The following LAMA4 variants were observed in gnomAD, a reference collection of about 807,000 sequenced individuals.
The protein encoded by LAMA4 is laminin subunit alpha-4.
Under a neutral mutation model 207.1 loss-of-function variants are expected in LAMA4, and 127 were observed. The observed-to-expected ratio is 0.61, with a 90% CI of 0.53 to 0.71. The LOEUF is 0.71. Ranked by LOEUF, LAMA4 falls within the 30% of genes least tolerant of loss-of-function variation. The pLI is 0.00. For missense variants in LAMA4, 2,093 were observed against 2,246.5 expected (o/e 0.93, Z 1.38); for synonymous variants, 761 against 816.0 (o/e 0.93, Z 1.15).
At chr6:112,183,900 G>A (rs1206169842) in intron 9 of LAMA4, among the ~76,000 whole-genome samples, 2 of 138,278 alleles carry the variant, frequency 1.4e-5, no homozygotes, top group South Asian at 2.3e-4. Flanking sequence ...GCAGTGAGCC[G>A]AGATCACGCC....
intron 22 of LAMA4, among the ~76,000 whole-genome samples, chr6:112,140,463 C>T (rs577641997): frequency 2.6e-5 from 4 of 152,324 alleles, no homozygotes; most frequent in African/African-American, 9.6e-5. Context: ...ACACCACAAG[C>T]TACGGACCTT....
rs1554322946 is a variant in LAMA4, at chr6:112,114,758, T to C, written c.5113-2A>G. ...GCCATTATTGACTTTCACTATGACC[T>C]GCAAAAGATAGGACACATTGTATGA... is the stretch of plus-strand genomic sequence containing the variant. On this transcript the variant is annotated splice_acceptor_variant, in intron 36 of 38. Transcript: ENST00000230538. LOFTEE classifies it high-confidence loss of function. 4 of 1,591,924 alleles carry C rather than the reference T, an allele frequency of 2.5e-6. No individual in the cohort carries two copies. Among genetic ancestry groups the C allele is most frequent in the Non-Finnish European group, 3.4e-6 (4 of 1,159,988 alleles).
intron 2 of LAMA4, among the ~76,000 whole-genome samples, chr6:112,217,167 T>C (rs1784675522): frequency 6.6e-6 from 1 of 152,188 alleles, no homozygotes; most frequent in Non-Finnish European, 1.5e-5. Flanking sequence ...CTTTTGGGGA[T>C]GTTAAACTAT....
intron 31 of LAMA4, among the ~76,000 whole-genome samples, chr6:112,124,419 T>C (rs1408470775): frequency 6.6e-6 from 1 of 152,232 alleles, no homozygotes; most frequent in African/African-American, 2.4e-5. Flanking sequence ...TCGGGTGTCT[T>C]TATATATGGC....
chr6:112,154,062 G>A (rs562133227), intron 16 of LAMA4, among the ~76,000 whole-genome samples: 11 of 152,048 alleles, frequency 7.2e-5, no homozygotes, highest in Non-Finnish European at 1.2e-4. Context: ...TTAGAAGTTC[G>A]CTAGATGATG....
chr6:112,209,591 A>G (rs1784252526), intron 3 of LAMA4, among the ~76,000 whole-genome samples: 1 of 152,196 alleles, frequency 6.6e-6, no homozygotes, highest in African/African-American at 2.4e-5. Flanking sequence ...TAGCTCTTCC[A>G]CTTTCTAGCT....
At chr6:112,157,192 A>G (rs530497485) in intron 14 of LAMA4, among the ~76,000 whole-genome samples, 49 of 152,282 alleles carry the variant, frequency 3.2e-4, no homozygotes, top group African/African-American at 1.1e-3. Context: ...AGACAAGAAA[A>G]CATTTTTTAA....
chr6:112,212,369 G>A (rs186921610), intron 3 of LAMA4, among the ~76,000 whole-genome samples: 9 of 151,860 alleles, frequency 5.9e-5, no homozygotes, highest in East Asian at 1.9e-4. Flanking sequence ...GATTACAGGC[G>A]CCCGCCACAA....
rs1554354520 is a variant in LAMA4, at chr6:112,207,069, G to T, written c.374C>A (p.Ala125Glu). 6.2e-7 allele frequency: 1 copy of T among 1,613,960 alleles called. No individual in the cohort carries two copies. The highest frequency in any genetic ancestry group is 2.2e-5 in the East Asian group (1 of 44,856). ...DGYIGDSIRGAPQFCQPCPCP... is the reference protein window; with the variant it reads ...DGYIGDSIRGEPQFCQPCPCP... ...GGGGCACGGCTGGCAGAATTGGGGT[G>T]CTCCCCTGATGGAATCTCCGATATA... Residue 125 changes from alanine (A) to glutamate (E), a missense_variant, in exon 4 of 39, where the codon GCA becomes GAA. Ala to Glu is a moderately radical substitution (Grantham distance 107). Coordinates refer to ENST00000230538, the MANE Select transcript of LAMA4 (RefSeq NM_001105206.3).
intron 10 of LAMA4, among the ~76,000 whole-genome samples, chr6:112,175,837 G>A (rs538538317): frequency 6.6e-6 from 1 of 152,284 alleles, no homozygotes; most frequent in South Asian, 2.1e-4. Context: ...GATATTCAAG[G>A]CATCCAAATC....
chr6:112,144,753 T>C (rs1554334071), intron 19 of LAMA4, 41 bp downstream of exon 19: 1 of 1,608,536 alleles, frequency 6.2e-7, no homozygotes, highest in Non-Finnish European at 8.5e-7. Context: ...CTTCGTGTTA[T>C]TATTACCGCT....
In LAMA4 at chr6:112,173,311, A is replaced by G. The variant is rs561858265; in HGVS notation, c.1358-507T>C. ...GGAAAAAAGATTAAATGGCAATGAC[A>G]TGATATTCTTAAACTTTGCATGTGT... On this transcript the variant is annotated intron_variant, in intron 11 of 38. Transcript: ENST00000230538. Among the ~76,000 whole-genome samples, 9 of 152,366 alleles carry G rather than the reference A, an allele frequency of 5.9e-5. No individual in the cohort carries two copies. In the East Asian group the frequency reaches 1.7e-3, roughly 29 times the overall value.
rs1461281696 is a variant in LAMA4, at chr6:112,254,535, G to A, written c.-218C>T. 5.8e-6 allele frequency: 2 copies of A among 345,364 alleles called. No homozygotes were observed. Among genetic ancestry groups the A allele is most frequent in the African/African-American group, 4.3e-5 (2 of 46,936 alleles). 21.4% of individuals were successfully genotyped at this position (345,364 alleles called of 1,614,324 possible). On this transcript the variant is annotated 5_prime_UTR_variant, in exon 1 of 39. Transcript: ENST00000230538. ...CCACCTCCTCTCCCTGGCCGTTCGG[G>A]ACTGGGGACTGCGCTGTCCTGGCTT...
At chr6:112,212,617 T>C (rs1243056100) in intron 3 of LAMA4, among the ~76,000 whole-genome samples, 1 of 152,228 alleles carries the variant, frequency 6.6e-6, no homozygotes, top group Non-Finnish European at 1.5e-5. Context: ...CGAAACTTTC[T>C]GACTTTCTTT....
At chr6:112,208,642 A>G (rs782184306) in intron 3 of LAMA4, among the ~76,000 whole-genome samples, 1 of 152,240 alleles carries the variant, frequency 6.6e-6, no homozygotes, top group South Asian at 2.1e-4. Flanking sequence ...GGCTTAACAA[A>G]CAGTAGTAAA....
chr6:112,129,730 G>A (rs182186579), intron 30 of LAMA4, 146 bp downstream of exon 30: 1 of 683,166 alleles, frequency 1.5e-6, no homozygotes, highest in East Asian at 2.7e-5. Flanking sequence ...ACCCAAGTAT[G>A]ACAGTTTCTC....
intron 14 of LAMA4, 41 bp from the exon 15 acceptor site, chr6:112,155,747 C>T (rs367660351): frequency 5.8e-4 from 928 of 1,605,898 alleles, no homozygotes; most frequent in Non-Finnish European, 7.7e-4. Context: ...TTCTTACCTT[C>T]TTGGGGAATG....
rs548782641 is a variant in LAMA4 at position 112,152,369 on chromosome 6, C to T, written c.2057-1742G>A. Among the ~76,000 whole-genome samples the T allele has an allele frequency of 2.0e-4, 31 of 152,088 alleles. No homozygotes were observed. In the East Asian group the frequency reaches 6.0e-3, roughly 29 times the overall value. Reference sequence around the variant, plus strand: ...GTTCTATCAGATTTTGTATTTGCATCAGTTTTGAGAGTCTTTTGCTTATAA... The same window carrying T: ...GTTCTATCAGATTTTGTATTTGCATTAGTTTTGAGAGTCTTTTGCTTATAA... On this transcript the variant is annotated intron_variant, in intron 16 of 38. Transcript: ENST00000230538.
chr6:112,188,030 T>G (rs782416077), intron 7 of LAMA4, among the ~76,000 whole-genome samples: 5 of 152,136 alleles, frequency 3.3e-5, no homozygotes, highest in Non-Finnish European at 7.3e-5. Context: ...TCCTCATCAC[T>G]TCTCACTTTT....
Sources: gnomAD v4.1 joint callset for allele counts (sites outside exome capture counted in the v4.1 genomes callset) on GRCh38, gnomAD v4.1.1 for gene constraint, MANE v1.5 for transcripts, NCBI Gene and HGNC (gene_info 2026-07-23, HGNC 2026-07-21) for gene names.